Variants in KLF12 observed in about 807,000 individuals in gnomAD.
KLF12 encodes KLF transcription factor 12.
KLF12 carries 9 observed loss-of-function variants against 37.8 expected under a neutral mutation model. The ratio of observed to expected loss-of-function variants is 0.24; its 90% CI spans 0.14 to 0.42. KLF12 has a LOEUF of 0.42. Ranked by LOEUF, KLF12 falls within the 10% of genes least tolerant of loss-of-function variation. KLF12 has a pLI of 1.00. For synonymous variants in KLF12, 208 were observed against 202.1 expected (o/e 1.03, Z -0.25); for missense variants, 411 against 516.0 (o/e 0.80, Z 1.97).
chr13:73,929,253 G>C (rs1889551642), intron 3 of KLF12, among the ~76,000 whole-genome samples: 1 of 152,156 alleles, frequency 6.6e-6, no homozygotes, highest in South Asian at 2.1e-4. Context: ...ATAAACTAAA[G>C]GAACAGAGGA....
chr13:73,817,641 G>A (rs541619428), intron 4 of KLF12, among the ~76,000 whole-genome samples: 43 of 152,282 alleles, frequency 2.8e-4, no homozygotes, highest in Admixed American at 3.9e-4. Flanking sequence ...GAAACAGACC[G>A]TAACCTCCTC....
intron 3 of KLF12, among the ~76,000 whole-genome samples, chr13:73,923,258 G>A (rs1277107952): frequency 6.6e-6 from 1 of 152,140 alleles, no homozygotes. Flanking sequence ...TAATTGGCTT[G>A]GAACTTGGAA....
At chr13:74,051,136 G>C (rs1284044761) in intron 1 of KLF12, among the ~76,000 whole-genome samples, 1 of 152,138 alleles carries the variant, frequency 6.6e-6, no homozygotes, top group Non-Finnish European at 1.5e-5. Context: ...TTCTTCAAAA[G>C]TTAAAAACAG....
At chr13:73,700,443 T>G (rs1256516358) in intron 7 of KLF12, among the ~76,000 whole-genome samples, 1 of 151,916 alleles carries the variant, frequency 6.6e-6, no homozygotes, top group African/African-American at 2.4e-5. Context: ...ATTATCTAAG[T>G]GATAAAATGA....
chr13:73,990,573 T>C (rs1566495798), intron 2 of KLF12, among the ~76,000 whole-genome samples: 1 of 152,128 alleles, frequency 6.6e-6, no homozygotes, highest in African/African-American at 2.4e-5. Context: ...AAAAGAATAG[T>C]AAAACAAAAA....
the KLF12 span, among the ~76,000 whole-genome samples, chr13:74,196,546 T>C: frequency 6.6e-6 from 1 of 152,218 alleles, no homozygotes. Context: ...ATCTGTGTTC[T>C]ACCATCTTTT....
chr13:73,705,671 G>T (rs1427470704), intron 7 of KLF12, among the ~76,000 whole-genome samples: 1 of 152,026 alleles, frequency 6.6e-6, no homozygotes, highest in East Asian at 1.9e-4. Flanking sequence ...TTTTATATTA[G>T]TAGTTAATTT....
At chr13:74,242,703 T>A in the KLF12 span, among the ~76,000 whole-genome samples, 1 of 152,154 alleles carries the variant, frequency 6.6e-6, no homozygotes, top group Admixed American at 6.5e-5. Flanking sequence ...AATTGTTTAG[T>A]AGGTGTAGGG....
At chr13:74,153,309 T>C in the KLF12 span, among the ~76,000 whole-genome samples, 2 of 152,178 alleles carry the variant, frequency 1.3e-5, no homozygotes, top group African/African-American at 4.8e-5. Flanking sequence ...TTCTTTGAAA[T>C]CACGAGTTGA....
intron 3 of KLF12, among the ~76,000 whole-genome samples, chr13:73,884,028 T>C (rs1887103720): frequency 6.6e-6 from 1 of 151,744 alleles, no homozygotes; most frequent in African/African-American, 2.4e-5. Flanking sequence ...AACAGAAACA[T>C]TTTTTTTGAC....
chr13:74,265,391 T>C, the KLF12 span, among the ~76,000 whole-genome samples: 1 of 152,186 alleles, frequency 6.6e-6, no homozygotes. Context: ...ATATGGGCAA[T>C]CACAAAGTTC....
At chr13:73,741,887 GC>G (rs1169896545) in intron 6 of KLF12, among the ~76,000 whole-genome samples, 3 of 152,328 alleles carry the variant, frequency 2.0e-5, no homozygotes, top group Non-Finnish European at 4.4e-5. Flanking sequence ...GCAGAGTGTA[GC>G]ACTAAGCTCG....
the KLF12 span, among the ~76,000 whole-genome samples, chr13:74,290,376 G>GA: frequency 6.6e-6 from 1 of 152,180 alleles, no homozygotes; most frequent in African/African-American, 2.4e-5. Context: ...TGCCACAGCT[G>GA]AATTTATTTT....
chr13:73,724,646 C>T (rs1437312062), intron 6 of KLF12, among the ~76,000 whole-genome samples: 2 of 152,126 alleles, frequency 1.3e-5, no homozygotes, highest in Non-Finnish European at 2.9e-5. Flanking sequence ...TTTCCTTACT[C>T]TTTGAATACT....
chr13:74,027,083 GA>G (rs1362667960), intron 1 of KLF12, among the ~76,000 whole-genome samples: 13 of 152,132 alleles, frequency 8.5e-5, no homozygotes, highest in African/African-American at 2.9e-4. Context: ...AAATAGAGTA[GA>G]ATAAAGAAGC....
the KLF12 span, among the ~76,000 whole-genome samples, chr13:74,163,108 A>G: frequency 6.6e-6 from 1 of 152,174 alleles, no homozygotes; most frequent in African/African-American, 2.4e-5. Flanking sequence ...TAGTGAGAAA[A>G]GGTTACCCCT....
At chr13:74,212,197 C>T in the KLF12 span, among the ~76,000 whole-genome samples, 31 of 152,228 alleles carry the variant, frequency 2.0e-4, no homozygotes, top group South Asian at 8.3e-4. Context: ...AAAATATTCA[C>T]GTGCATTTTC....
rs557934965 is a variant in KLF12 at position 73,775,053 on chromosome 13, G to C, written c.807-10053C>G. 1.7e-4 allele frequency among the ~76,000 whole-genome samples: 26 copies of C among 152,016 alleles called. 1 individual carries two copies. The South Asian group carries it at 5.4e-3, about 32-fold the overall frequency. ...CTGCCTGGGCCTCCTGAGTAGCTGG[G>C]ATTACAGGTATGTGCCACCATGCCT... On this transcript the variant is annotated intron_variant, in intron 5 of 7. Coordinates refer to ENST00000377669, the MANE Select transcript of KLF12 (RefSeq NM_007249.5).
rs575806851 is a variant in KLF12, at chr13:74,104,852, A to C, written c.-32+28887T>G. Among the ~76,000 whole-genome samples the C allele has an allele frequency of 3.9e-5, 6 of 152,304 alleles. No homozygotes were observed. The South Asian group carries it at 1.2e-3, about 32-fold the overall frequency. On this transcript the variant is annotated intron_variant, in intron 1 of 7. Coordinates refer to ENST00000377669, the MANE Select transcript of KLF12 (RefSeq NM_007249.5). ...GGAGGGCATAGGCTCTCATACTTGA[A>C]ACTTAAACTAGTAATCATTACCAAA...
Sources: gnomAD v4.1 joint callset for allele counts (sites outside exome capture counted in the v4.1 genomes callset) on GRCh38, gnomAD v4.1.1 for gene constraint, MANE v1.5 for transcripts, NCBI Gene and HGNC (gene_info 2026-07-23, HGNC 2026-07-21) for gene names.